Variants in TAF1D observed in about 807,000 individuals in gnomAD.
TAF1D encodes the protein TATA-box binding protein associated factor, RNA polymerase I subunit D, also known as TATA box-binding protein-associated factor RNA polymerase I subunit D.
A neutral mutation model predicts 26.2 loss-of-function variants in TAF1D; 23 were observed. The observed-to-expected ratio is 0.88, with a 90% CI of 0.63 to 1.25. The LOEUF is 1.25. TAF1D is among the 50% of genes most tolerant of loss of function. The pLI is 0.00. For missense variants in TAF1D, 299 were observed against 322.0 expected (o/e 0.93, Z 0.55); for synonymous variants, 100 against 105.6 (o/e 0.95, Z 0.33).
chr11:93,740,785 C>A (rs891390146), intron 1 of TAF1D, among the ~76,000 whole-genome samples: 1 of 152,084 alleles, frequency 6.6e-6, no homozygotes, highest in African/African-American at 2.4e-5. Flanking sequence ...AACGGTATAC[C>A]TGTAGTTAAT....
rs565566659 is a variant in TAF1D, at chr11:93,736,732, T to C, written c.655A>G (p.Thr219Ala). 28 of 1,611,212 alleles carry C rather than the reference T, an allele frequency of 1.7e-5. No homozygotes were observed. Among genetic ancestry groups the C allele is most frequent in the African/African-American group, 5.3e-5 (4 of 74,842 alleles). ...TCACATTCGTTATCTTCAAGATGTG[T>C]TGCATCCTCATCCTCTGCTCTGTAA... ...EESTAEDEDA[T>A]HLEDNECDIK... The change falls in exon 5 of 6, where the codon ACA becomes GCA. Residue 219 changes from threonine (T) to alanine (A), a missense_variant. Transcript: ENST00000448108.
chr11:93,735,060 C>T, downstream of TAF1D: 1 of 1,290,220 alleles, frequency 7.8e-7, no homozygotes, highest in Non-Finnish European at 1.0e-6. Context: ...GGCCTGGAAC[C>T]AACCTTTATG....
intron 5 of TAF1D, 77 bp from the exon 6 acceptor site, chr11:93,736,381 TG>T (rs763818803): frequency 3.5e-4 from 520 of 1,478,944 alleles, no homozygotes; most frequent in Admixed American, 5.8e-4. Flanking sequence ...CTGAATGCCC[TG>T]GATTACTTCA....
chr11:93,737,984 A>G, intron 3 of TAF1D, 125 bp downstream of exon 3: 1 of 1,122,544 alleles, frequency 8.9e-7, no homozygotes, highest in Non-Finnish European at 1.2e-6. Context: ...GTAAGTCAGT[A>G]TAGAAGAGTA....
At chr11:93,739,840 T>C (rs571466307) in intron 1 of TAF1D, among the ~76,000 whole-genome samples, 4 of 152,136 alleles carry the variant, frequency 2.6e-5, no homozygotes, top group East Asian at 1.9e-4. Flanking sequence ...AACTGAACTT[T>C]GTCATATTGT....
rs1940596354 is a variant in TAF1D at position 93,735,616 on chromosome 11, C to G, written c.*545G>C. 1.1e-6 allele frequency: 1 copy of G among 900,642 alleles called. No individual in the cohort carries two copies. The highest frequency in any genetic ancestry group is 4.7e-5 in the South Asian group (1 of 21,452). 55.8% of individuals were successfully genotyped at this position (900,642 alleles called of 1,614,324 possible). ...CCGGGAGATGGAGGTTGCAGTAAGC[C>G]AAGACTGCGGCCATTGCACTACAGC... On this transcript the variant is annotated 3_prime_UTR_variant, in exon 6 of 6. Coordinates refer to ENST00000448108, the MANE Select transcript of TAF1D (RefSeq NM_024116.4).
At chr11:93,734,787 T>C, downstream of TAF1D, 1 of 1,250,376 alleles carries the variant, frequency 8.0e-7, no homozygotes, top group Non-Finnish European at 1.0e-6. Context: ...CAACCTTTTT[T>C]TCTTAAGAGA....
downstream of TAF1D, chr11:93,731,624 T>A: frequency 1.9e-6 from 1 of 514,432 alleles, no homozygotes; most frequent in East Asian, 5.5e-5. Context: ...TCCTTTTTTT[T>A]ACTCCTAAGT....
chr11:93,737,991 A>AG, intron 3 of TAF1D, 118 bp downstream of exon 3: 2 of 1,184,454 alleles, frequency 1.7e-6, no homozygotes, highest in South Asian at 3.4e-5. Flanking sequence ...AGTATAGAAG[A>AG]GTATCAAAAT....
downstream of TAF1D, chr11:93,735,308 T>C: frequency 8.1e-7 from 1 of 1,236,866 alleles, no homozygotes; most frequent in South Asian, 1.5e-5. Context: ...ATCGGGGTAA[T>C]GACTGGTTCT....
intron 5 of TAF1D, 79 bp from the exon 6 acceptor site, chr11:93,736,383 G>C: frequency 6.8e-7 from 1 of 1,469,132 alleles, no homozygotes; most frequent in South Asian, 1.4e-5. Flanking sequence ...GAATGCCCTG[G>C]ATTACTTCAG....
At chr11:93,732,913 G>T, downstream of TAF1D, 1 of 236,292 alleles carries the variant, frequency 4.2e-6, no homozygotes, top group Non-Finnish European at 8.5e-6. Context: ...AGTTTCGTTT[G>T]GTAGGTATAG....
downstream of TAF1D, chr11:93,732,577 C>A: frequency 2.4e-6 from 1 of 421,490 alleles, no homozygotes; most frequent in Non-Finnish European, 4.8e-6. Flanking sequence ...CTCTCAAATT[C>A]CTTTAACAAG....
downstream of TAF1D, chr11:93,731,846 C>T (rs1159264563): frequency 5.6e-6 from 2 of 355,210 alleles, no homozygotes; most frequent in Admixed American, 7.6e-5. Context: ...GACACCTGAT[C>T]CAAGACACAG....
intron 2 of TAF1D, 27 bp from the exon 3 acceptor site, chr11:93,738,526 T>C (rs774851862): frequency 2.1e-5 from 32 of 1,530,792 alleles, no homozygotes; most frequent in Non-Finnish European, 2.7e-5. Flanking sequence ...AAAATTAATT[T>C]CATCTTCTTT....
rs370435484 is a variant in TAF1D at position 93,738,220 on chromosome 11, T to C, written c.348A>G (p.Ile116Met). The C allele has an allele frequency of 1.9e-6, 3 of 1,612,668 alleles. No individual in the cohort carries two copies. Among genetic ancestry groups the C allele is most frequent in the African/African-American group, 2.7e-5 (2 of 74,790 alleles). ...RGRPEGRRNP[I>M]YSLIDKKKQF... Reference sequence around the variant, plus strand: ...GTTTCTTCTTATCTATTAGTGAGTATATAGGATTTCTCCTTCCTTCTGGTC... The same window carrying C: ...GTTTCTTCTTATCTATTAGTGAGTACATAGGATTTCTCCTTCCTTCTGGTC... The change falls in exon 3 of 6, where the codon ATA (isoleucine) becomes ATG (methionine). Residue 116 changes from isoleucine to methionine, a missense_variant. Ile to Met is a conservative substitution (Grantham distance 10). Transcript: ENST00000448108.
intron 3 of TAF1D, 61 bp from the exon 4 acceptor site, chr11:93,737,300 T>A (rs995346238): frequency 1.5e-6 from 2 of 1,292,864 alleles, no homozygotes; most frequent in Admixed American, 5.0e-5. Flanking sequence ...AGCAGGTGCC[T>A]ATGTTCAAAA....
Position 93,738,023 on chromosome 11 carries a change from ATATC to A in TAF1D, c.459+82_459+85del, listed in dbSNP as rs1290855884. On this transcript the variant is annotated intron_variant, in intron 3 of 5. Transcript: ENST00000448108. ...AAATTGCAGACAGTCTGTTCCCAGT[ATATC>A]TGAGACAATTCTAAATTGGCCAACA... 56 of 1,448,068 alleles carry A rather than the reference ATATC, an allele frequency of 3.9e-5. 1 individual carries two copies. The East Asian group carries it at 1.3e-3, about 33-fold the overall frequency. The allele number at this position is 1,448,068 out of a possible 1,614,324, so 89.7% of individuals were successfully genotyped here. A position where few individuals can be genotyped will look rare whatever the true frequency, so the allele number is the denominator to read the frequency against.
chr11:93,735,219 AAAAC>A, downstream of TAF1D: 11 of 1,351,588 alleles, frequency 8.1e-6, no homozygotes, highest in South Asian at 1.1e-5. Flanking sequence ...ACGTTAAACA[AAAAC>A]ATACATAAGT....
Sources: gnomAD v4.1 joint callset for allele counts (sites outside exome capture counted in the v4.1 genomes callset) on GRCh38, gnomAD v4.1.1 for gene constraint, MANE v1.5 for transcripts, NCBI Gene and HGNC (gene_info 2026-07-23, HGNC 2026-07-21) for gene names.